MAP1B: variants seen among roughly 807,000 people sequenced by gnomAD.
MAP1B encodes the protein microtubule associated protein 1B.
MAP1B carries 12 observed loss-of-function variants against 176.1 expected under a neutral mutation model. That is an observed-to-expected ratio of 0.07 (90% confidence interval 0.04 to 0.11). The LOEUF is 0.11. MAP1B is among the 10% of genes least tolerant of loss of function. MAP1B has a pLI of 1.00. For missense variants in MAP1B, 2,523 were observed against 2,990.5 expected (o/e 0.84, Z 3.65); for synonymous variants, 1,044 against 1,135.0 (o/e 0.92, Z 1.61).
chr5:72,202,085 G>A (rs1747344601), intron 5 of MAP1B, among the ~76,000 whole-genome samples: 1 of 152,180 alleles, frequency 6.6e-6, no homozygotes, highest in African/African-American at 2.4e-5. Flanking sequence ...AAGTGAAAAT[G>A]AGTTAATTTT....
chr5:72,157,408 G>T (rs765481891), intron 2 of MAP1B, among the ~76,000 whole-genome samples: 2 of 152,146 alleles, frequency 1.3e-5, no homozygotes, highest in African/African-American at 2.4e-5. Context: ...TATTTAGTTC[G>T]TTGCTTTTAT....
intron 2 of MAP1B, among the ~76,000 whole-genome samples, chr5:72,157,504 T>C (rs1746247942): frequency 6.6e-6 from 1 of 152,192 alleles, no homozygotes. Context: ...AGGGACAAGA[T>C]GGAGATGGGA....
intron 2 of MAP1B, among the ~76,000 whole-genome samples, chr5:72,172,647 A>G (rs1355844172): frequency 1.3e-5 from 2 of 152,244 alleles, no homozygotes; most frequent in African/African-American, 4.8e-5. Flanking sequence ...TCCAAGAATC[A>G]ATATTTACTG....
intron 1 of MAP1B, among the ~76,000 whole-genome samples, chr5:72,114,369 T>C (rs1237833783): frequency 1.3e-5 from 2 of 152,222 alleles, no homozygotes; most frequent in African/African-American, 4.8e-5. Flanking sequence ...CAAGTCTGTA[T>C]ACATGACTAA....
rs1480608193 is a variant in MAP1B at position 72,198,689 on chromosome 5, C to G, written c.5334C>G (p.Leu1778=). Residue 1778 remains leucine (L), a synonymous_variant, in exon 5 of 7, where the codon CTC becomes CTG. Transcript: ENST00000296755. The stretch of plus-strand genomic sequence containing the variant: ...TGCAAAGTCTGGAAGGAGAGAAGCT[C>G]TCTCCAAAATCTGATATCTCTCCAC... ...EKVQSLEGEK[L]SPKSDISPLT... The G allele has an allele frequency of 4.3e-6, 7 of 1,614,154 alleles. No individual in the cohort carries two copies. In the South Asian group the frequency reaches 5.5e-5, roughly 13 times the overall value.
Position 72,194,858 on chromosome 5 carries a change from G to C in MAP1B, c.1503G>C (p.Gly501=), listed in dbSNP as rs774577068. ...GCACCCAGTACAACATCCTGGAAGG[G>C]TTGGAAAAGCTCAAACATCTAGACT... ...GNSTQYNILE[G]LEKLKHLDFL... Residue 501 remains glycine, a synonymous_variant, in exon 5 of 7, where the codon GGG becomes GGC. Transcript: ENST00000296755. This position sits in a 1 kb window ranked among gnomAD's most constrained non-coding sequence, Gnocchi z 7.2. 7.4e-6 allele frequency: 12 copies of C among 1,614,042 alleles called. No homozygotes were observed. Among genetic ancestry groups the C allele is most frequent in the Non-Finnish European group, 8.5e-6 (10 of 1,180,024 alleles).
At chr5:72,175,595 T>TA (rs764652656) in intron 2 of MAP1B, among the ~76,000 whole-genome samples, 127 of 152,296 alleles carry the variant, frequency 8.3e-4, no homozygotes, top group Non-Finnish European at 1.4e-3. Context: ...TAACCCTTGA[T>TA]ATCCTTGATT....
intron 2 of MAP1B, chr5:72,116,511 T>A (rs1414129459): frequency 5.2e-6 from 2 of 383,118 alleles, no homozygotes; most frequent in Non-Finnish European, 9.9e-6. Flanking sequence ...GCCACCTTCC[T>A]GGGGCTATGA....
intron 2 of MAP1B, among the ~76,000 whole-genome samples, chr5:72,133,695 A>C (rs1045315540): frequency 3.9e-5 from 6 of 152,252 alleles, no homozygotes; most frequent in Non-Finnish European, 7.3e-5. Flanking sequence ...CTTTTACAAA[A>C]TACAAAGACA....
Position 72,195,183 on chromosome 5 carries a change from A to G in MAP1B, c.1828A>G (p.Lys610Glu). Reference sequence around the variant, plus strand: ...AGTGACTGAAAAGGAGGTTCCCAGCAAAGAAGAGCCATCTCCAGTGAAAGC... The same window carrying G: ...AGTGACTGAAAAGGAGGTTCCCAGCGAAGAAGAGCCATCTCCAGTGAAAGC... Reference protein sequence around the residue: ...PSVTEKEVPSKEEPSPVKAEV... With the variant: ...PSVTEKEVPSEEEPSPVKAEV... Residue 610 changes from lysine (K) to glutamate (E), a missense_variant, in exon 5 of 7, where the codon AAA (lysine) becomes GAA (glutamate). By Grantham distance (56) the Lys-to-Glu change is moderately conservative (BLOSUM62 1). This residue lies in a region of MAP1B where 1,925 missense variants were observed against 2,126.0 expected (regional missense o/e 0.91). Coordinates refer to ENST00000296755, the MANE Select transcript of MAP1B (RefSeq NM_005909.5). 1.9e-6 allele frequency: 3 copies of G among 1,613,810 alleles called. No individual in the cohort carries two copies. The highest frequency in any genetic ancestry group is 2.5e-6 in the Non-Finnish European group (3 of 1,179,996).
At chr5:72,110,223 C>T in intron 1 of MAP1B, among the ~76,000 whole-genome samples, 1 of 152,220 alleles carries the variant, frequency 6.6e-6, no homozygotes, top group Non-Finnish European at 1.5e-5. Flanking sequence ...CCTTGTGTTC[C>T]CTTTGCAATA....
chr5:72,172,902 G>C (rs540759346), intron 2 of MAP1B, among the ~76,000 whole-genome samples: 1 of 152,306 alleles, frequency 6.6e-6, no homozygotes, highest in African/African-American at 2.4e-5. Flanking sequence ...AGATCCTACA[G>C]GGACCTCAAA....
intron 2 of MAP1B, among the ~76,000 whole-genome samples, chr5:72,144,164 T>A (rs1467522643): frequency 6.6e-6 from 1 of 152,154 alleles, no homozygotes; most frequent in African/African-American, 2.4e-5. Context: ...TTCAATCTAG[T>A]ACACCTTCCT....
At chr5:72,140,208 C>T (rs908128631) in intron 2 of MAP1B, among the ~76,000 whole-genome samples, 6 of 152,296 alleles carry the variant, frequency 3.9e-5, no homozygotes, top group East Asian at 3.9e-4. Flanking sequence ...AGCAATCTGC[C>T]CTCCTCAGCC....
In MAP1B at chr5:72,200,083, C is replaced by A. The variant is rs1190754790; in HGVS notation, c.6728C>A (p.Thr2243Asn). The change falls in exon 5 of 7, where the codon ACC (threonine) becomes AAC (asparagine). Residue 2243 changes from threonine (T) to asparagine (N), a missense_variant. Physicochemically the swap from Thr to Asn is moderately conservative, Grantham distance 65. Coordinates refer to ENST00000296755, the MANE Select transcript of MAP1B (RefSeq NM_005909.5). ...CTAAAGAAAGATCTGAAAGAGAAGACCAAAACCAAAAAGCCAGGTACAAAG... is the reference window on the plus strand; with the variant it reads ...CTAAAGAAAGATCTGAAAGAGAAGAACAAAACCAAAAAGCCAGGTACAAAG... ...KALKKDLKEK[T>N]KTKKPGTKTK... 3 of 1,614,138 alleles carry A rather than the reference C, an allele frequency of 1.9e-6. No individual in the cohort carries two copies. The highest frequency in any genetic ancestry group is 4.5e-5 in the East Asian group (2 of 44,884).
At chr5:72,178,642 C>T (rs1746699223) in intron 2 of MAP1B, among the ~76,000 whole-genome samples, 1 of 151,962 alleles carries the variant, frequency 6.6e-6, no homozygotes, top group South Asian at 2.1e-4. Flanking sequence ...CCCTTTCATA[C>T]TGAGTAGAAA....
rs1285574644 is a variant in MAP1B at position 72,198,427 on chromosome 5, C to T, written c.5072C>T (p.Pro1691Leu). Residue 1691 changes from proline (P) to leucine (L), a missense_variant, in exon 5 of 7, where the codon CCT (proline) becomes CTT (leucine). Transcript: ENST00000296755. The stretch of plus-strand genomic sequence containing the variant: ...GGGCCAACTGAAGTGGACTACAGTC[C>T]TTCTGACATGCAGGACTCCAGTTTA... ...ENGPTEVDYS[P>L]SDMQDSSLSH... 6.2e-7 allele frequency: 1 copy of T among 1,613,932 alleles called. No individual in the cohort carries two copies. The highest frequency in any genetic ancestry group is 1.3e-5 in the African/African-American group (1 of 74,898).
In MAP1B at chr5:72,186,484, T is replaced by G; in HGVS notation, c.370-130T>G. Reference sequence around the variant, plus strand: ...GTGCTCTTCTGGCCTCCAGGAGAAATTAGACCTTTGGGGAATGAATGCTTT... The same window carrying G: ...GTGCTCTTCTGGCCTCCAGGAGAAAGTAGACCTTTGGGGAATGAATGCTTT... On this transcript the variant is annotated intron_variant, in intron 3 of 6. Coordinates refer to ENST00000296755, the MANE Select transcript of MAP1B (RefSeq NM_005909.5). The surrounding 1 kb of genome is among the most constrained non-coding windows in gnomAD (Gnocchi z 4.3). 2.6e-6 allele frequency: 3 copies of G among 1,151,910 alleles called. No individual in the cohort carries two copies. In the South Asian group the frequency reaches 4.4e-5, roughly 17 times the overall value. 71.4% of individuals were successfully genotyped at this position (1,151,910 alleles called of 1,614,324 possible).
At chr5:72,171,379 A>G (rs1746537413) in intron 2 of MAP1B, among the ~76,000 whole-genome samples, 1 of 151,836 alleles carries the variant, frequency 6.6e-6, no homozygotes, top group Non-Finnish European at 1.5e-5. Context: ...CTTGAGCCCA[A>G]GAGTTTGAGA....
Sources: allele counts gnomAD v4.1 joint callset (sites outside exome capture counted in the v4.1 genomes callset), GRCh38; gene constraint gnomAD v4.1.1; regional missense constraint gnomAD v4.1.1; non-coding constraint Gnocchi (gnomAD v3.1); transcripts MANE v1.5; gene names NCBI Gene and HGNC (gene_info 2026-07-23, HGNC 2026-07-21).